Variants in CAMKMT observed in about 807,000 individuals in gnomAD.
The protein encoded by CAMKMT is calmodulin-lysine N-methyltransferase, also known as CaM KMT.
In CAMKMT, 53 loss-of-function variants were observed where a neutral mutation model predicts 48.0. That is an observed-to-expected ratio of 1.10 (90% CI 0.89 to 1.39). CAMKMT has a LOEUF of 1.39. Ranked by LOEUF, CAMKMT falls within the 40% of genes most tolerant of loss-of-function variation. The probability of loss-of-function intolerance (pLI) is 0.00; values close to 1 mark genes in which losing one functional copy is unlikely to be tolerated. For missense variants in CAMKMT, 428 were observed against 402.7 expected, an observed-to-expected ratio of 1.06 and a Z score of -0.54; for synonymous variants, 165 against 152.3, an observed-to-expected ratio of 1.08 and a Z score of -0.61.
At chr2:44,512,109 C>T (rs757069627) in intron 3 of CAMKMT, among the ~76,000 whole-genome samples, 15 of 152,186 alleles carry the variant, frequency 9.9e-5, no homozygotes, top group Non-Finnish European at 1.8e-4. Context: ...GTAGTCACTG[C>T]TGCTACCACT....
intron 10 of CAMKMT, 131 bp from the exon 11 acceptor site, chr2:44,771,905 T>C: frequency 1.5e-6 from 1 of 646,642 alleles, no homozygotes; most frequent in East Asian, 2.7e-5. Flanking sequence ...TTGAGTTGCT[T>C]TTCTGTGATT....
intron 3 of CAMKMT, among the ~76,000 whole-genome samples, chr2:44,480,497 A>G (rs1327279770): frequency 2.0e-5 from 3 of 152,130 alleles, no homozygotes; most frequent in African/African-American, 7.3e-5. Flanking sequence ...AGTTAAGCCT[A>G]TCTCTAGAAA....
intron 3 of CAMKMT, among the ~76,000 whole-genome samples, chr2:44,512,988 C>CT (rs1370447579): frequency 6.6e-6 from 1 of 152,092 alleles, no homozygotes; most frequent in Non-Finnish European, 1.5e-5. Context: ...TGGTGTTAAT[C>CT]TTTTCACAAG....
intron 1 of CAMKMT, among the ~76,000 whole-genome samples, chr2:44,364,530 C>T (rs765952484): frequency 6.6e-6 from 1 of 152,084 alleles, no homozygotes; most frequent in Non-Finnish European, 1.5e-5. Flanking sequence ...TAATTTACAT[C>T]CTCTGCACCT....
chr2:44,732,946 A>G (rs889214809), intron 7 of CAMKMT, among the ~76,000 whole-genome samples: 2 of 152,274 alleles, frequency 1.3e-5, no homozygotes, highest in East Asian at 1.9e-4. Context: ...TGATTTACCA[A>G]TTTGTTCTTT....
At chr2:44,396,374 T>C (rs12328882) in intron 3 of CAMKMT, among the ~76,000 whole-genome samples, 6,295 of 152,176 alleles carry the variant, frequency 0.041, 444 homozygotes, top group African/African-American at 0.14. Context: ...TGTATTTTCT[T>C]TATAAAGAGC....
In CAMKMT at chr2:44,390,289, C is replaced by T. The variant is rs775008586; in HGVS notation, c.360C>T (p.Asp120=). 2.5e-6 allele frequency: 4 copies of T among 1,607,042 alleles called. No individual in the cohort carries two copies. ...LNVEDVLTSF[D]NTGNVCIWPS... is the part of the protein sequence containing the mutation. ...TTGAAGATGTCCTTACCAGCTTTGA[C>T]AATACAGGAAATGTTTGTAAGTTAT... Residue 120 remains aspartate, a synonymous_variant, in exon 3 of 11, where the codon GAC becomes GAT. Transcript: ENST00000378494.
At chr2:44,595,201 G>A (rs903685296) in intron 3 of CAMKMT, among the ~76,000 whole-genome samples, 1 of 152,182 alleles carries the variant, frequency 6.6e-6, no homozygotes, top group Admixed American at 6.5e-5. Flanking sequence ...TACACTGTTG[G>A]TGGGAGGGTA....
chr2:44,522,308 C>G (rs892049481), intron 3 of CAMKMT, among the ~76,000 whole-genome samples: 2 of 152,060 alleles, frequency 1.3e-5, no homozygotes, highest in Non-Finnish European at 2.9e-5. Flanking sequence ...CCCGGCCCCT[C>G]TTTTCATTTC....
At chr2:44,706,084 C>T (rs760932002) in intron 4 of CAMKMT, among the ~76,000 whole-genome samples, 3 of 152,188 alleles carry the variant, frequency 2.0e-5, no homozygotes, top group Non-Finnish European at 4.4e-5. Flanking sequence ...GGAACCCCCA[C>T]TGATTTGCCT....
chr2:44,762,569 T>C (rs1367599661), intron 9 of CAMKMT, among the ~76,000 whole-genome samples: 2 of 152,206 alleles, frequency 1.3e-5, no homozygotes, highest in Admixed American at 1.3e-4. Context: ...GACAAGTTAA[T>C]GGGTGCAGCA....
chr2:44,510,495 C>A (rs559603580), intron 3 of CAMKMT, among the ~76,000 whole-genome samples: 8 of 152,222 alleles, frequency 5.3e-5, no homozygotes, highest in South Asian at 2.1e-4. Flanking sequence ...GTGGTGGATC[C>A]TAGGATCCTC....
intron 8 of CAMKMT, among the ~76,000 whole-genome samples, chr2:44,749,217 A>T (rs1337875995): frequency 6.6e-6 from 1 of 152,152 alleles, no homozygotes; most frequent in Non-Finnish European, 1.5e-5. Flanking sequence ...TCAAGCAATG[A>T]CTTTTTGGAA....
Position 44,597,037 on chromosome 2 carries a change from G to T in CAMKMT, c.377-107246G>T, listed in dbSNP as rs542924017. On this transcript the variant is annotated intron_variant, in intron 3 of 10. Coordinates refer to ENST00000378494, the MANE Select transcript of CAMKMT (RefSeq NM_024766.5). Reference sequence around the variant, plus strand: ...ATCCTTTTCAATAATTGCAAAATTTGCTTTGATAAAGTCACCCTAGAAGTT... The same window carrying T: ...ATCCTTTTCAATAATTGCAAAATTTTCTTTGATAAAGTCACCCTAGAAGTT... Among the ~76,000 whole-genome samples the T allele has an allele frequency of 2.0e-5, 3 of 152,196 alleles. No homozygotes were observed. In the East Asian group the frequency reaches 5.8e-4, roughly 29 times the overall value.
chr2:44,621,002 C>T (rs1672153737), intron 3 of CAMKMT, among the ~76,000 whole-genome samples: 1 of 152,210 alleles, frequency 6.6e-6, no homozygotes, highest in African/African-American at 2.4e-5. Context: ...GGTGCGGTGG[C>T]TCACGCCTAT....
chr2:44,491,204 A>G (rs1669485934), intron 3 of CAMKMT, among the ~76,000 whole-genome samples: 1 of 151,238 alleles, frequency 6.6e-6, no homozygotes, highest in East Asian at 1.9e-4. Context: ...ATTGTGACAA[A>G]CTCTTAGCTA....
chr2:44,576,326 C>CT (rs1669216725), intron 3 of CAMKMT, among the ~76,000 whole-genome samples: 2 of 104,394 alleles, frequency 1.9e-5, no homozygotes, highest in Non-Finnish European at 3.6e-5. Context: ...GAAACTCTGT[C>CT]TAAAAAAAAA....
chr2:44,725,635 G>A (rs1041434040), intron 7 of CAMKMT, among the ~76,000 whole-genome samples: 1 of 152,122 alleles, frequency 6.6e-6, no homozygotes, highest in African/African-American at 2.4e-5. Context: ...AGTTGAAGTG[G>A]GCATTCCTGG....
At chr2:44,483,090 A>G (rs1488424313) in intron 3 of CAMKMT, among the ~76,000 whole-genome samples, 1 of 152,180 alleles carries the variant, frequency 6.6e-6, no homozygotes, top group East Asian at 1.9e-4. Flanking sequence ...AGCACTATAT[A>G]AAAATACACT....
Sources: allele counts gnomAD v4.1 joint callset (sites outside exome capture counted in the v4.1 genomes callset), GRCh38; gene constraint gnomAD v4.1.1; transcripts MANE v1.5; gene names NCBI Gene and HGNC (gene_info 2026-07-23, HGNC 2026-07-21).